The following LRRC36 variants were observed in gnomAD, a reference collection of about 807,000 sequenced individuals.
LRRC36 encodes leucine rich repeat containing 36, also known as leucine-rich repeat-containing protein 36.
Under a neutral mutation model 81.1 loss-of-function variants are expected in LRRC36, and 62 were observed. The ratio of observed to expected loss-of-function variants is 0.76; its 90% CI spans 0.62 to 0.94. LRRC36 has a LOEUF of 0.94. LRRC36 is among the 40% of genes least tolerant of loss of function. LRRC36 has a pLI of 0.00. For missense variants in LRRC36, 761 were observed against 881.7 expected, an observed-to-expected ratio of 0.86 and a Z score of 1.73; for synonymous variants, 334 against 348.6, an observed-to-expected ratio of 0.96 and a Z score of 0.47.
At chr16:67,365,149 GACTTAAA>G (rs1768405943) in intron 6 of LRRC36, 148 bp from the exon 7 acceptor site, 1 of 586,942 alleles carries the variant, frequency 1.7e-6, no homozygotes, top group African/African-American at 1.9e-5. Flanking sequence ...TTTTAAAATA[GACTTAAA>G]CTGGACCTTT....
chr16:67,346,294 A>G lies in LRRC36; in HGVS notation c.237A>G (p.Leu79=). The G allele has an allele frequency of 6.2e-7, 1 of 1,609,758 alleles. No individual in the cohort carries two copies. Among genetic ancestry groups the G allele is most frequent in the East Asian group, 2.2e-5 (1 of 44,750 alleles). ...TATGTTCACTCCAAGACCTGAATTTATATTATAACAACATTCCTTCATTAG... is the reference window on the plus strand; with the variant it reads ...TATGTTCACTCCAAGACCTGAATTTGTATTATAACAACATTCCTTCATTAG... The part of the protein sequence containing the change: ...QYLCSLQDLN[L]YYNNIPSLVE... The change falls in exon 3 of 14, where the codon TTA becomes TTG. Residue 79 remains leucine, a synonymous_variant. Transcript: ENST00000329956.
At chr16:67,327,043 A>T (rs2037214764) in intron 1 of LRRC36, 111 bp downstream of exon 1, 1 of 947,734 alleles carries the variant, frequency 1.1e-6, no homozygotes, top group African/African-American at 1.8e-5. Flanking sequence ...AACCACAGAG[A>T]AGCGGTACCT....
intron 1 of LRRC36, chr16:67,336,691 A>G (rs1382534199): frequency 6.6e-6 from 1 of 151,922 alleles, no homozygotes; most frequent in African/African-American, 2.4e-5. Flanking sequence ...TCTGGACTCA[A>G]GCAATCCTGT....
chr16:67,334,268 C>T (rs1340496190), intron 1 of LRRC36, among the ~76,000 whole-genome samples: 1 of 151,860 alleles, frequency 6.6e-6, no homozygotes, highest in Non-Finnish European at 1.5e-5. Flanking sequence ...ATCCGCCCGC[C>T]TCGGCTTCCC....
chr16:67,383,541 C>T (rs1044827114), intron 13 of LRRC36, among the ~76,000 whole-genome samples: 3 of 152,156 alleles, frequency 2.0e-5, no homozygotes, highest in African/African-American at 7.2e-5. Context: ...CTGGGTGATG[C>T]TATTGCTACT....
intron 5 of LRRC36, among the ~76,000 whole-genome samples, chr16:67,361,636 G>C (rs1457916931): frequency 6.6e-6 from 1 of 152,092 alleles, no homozygotes; most frequent in African/African-American, 2.4e-5. Context: ...GCAATGGTGC[G>C]ATCTCAGCTC....
chr16:67,351,920 G>T (rs2038660598), intron 5 of LRRC36, among the ~76,000 whole-genome samples: 1 of 152,104 alleles, frequency 6.6e-6, no homozygotes, highest in African/African-American at 2.4e-5. Flanking sequence ...TAATGCTTTG[G>T]TATACAGCCT....
At chr16:67,333,617 C>T (rs2037605482) in intron 1 of LRRC36, among the ~76,000 whole-genome samples, 1 of 152,100 alleles carries the variant, frequency 6.6e-6, no homozygotes, top group African/African-American at 2.4e-5. Flanking sequence ...TTTGCCTCTT[C>T]TGGGTATTTC....
chr16:67,337,427 G>A (rs2037815987), intron 1 of LRRC36, among the ~76,000 whole-genome samples: 1 of 150,460 alleles, frequency 6.6e-6, no homozygotes. Context: ...GAGTGCAATG[G>A]TGCGACTGCA....
At chr16:67,348,527 T>C (rs1168823872) in intron 4 of LRRC36, 2 of 152,134 alleles carry the variant, frequency 1.3e-5, no homozygotes, top group Non-Finnish European at 2.9e-5. Flanking sequence ...TGGTGCGATC[T>C]TGGCTCACTA....
At chr16:67,344,751 A>G (rs572364660) in intron 2 of LRRC36, among the ~76,000 whole-genome samples, 2 of 152,304 alleles carry the variant, frequency 1.3e-5, no homozygotes, top group South Asian at 2.1e-4. Context: ...GGAGAAAACA[A>G]CAACAACAAA....
chr16:67,374,360 G>T (rs1297457356), intron 9 of LRRC36, among the ~76,000 whole-genome samples: 4 of 151,770 alleles, frequency 2.6e-5, no homozygotes, highest in Non-Finnish European at 5.9e-5. Flanking sequence ...CATAGATGTA[G>T]GTGTCAAACA....
intron 6 of LRRC36, among the ~76,000 whole-genome samples, chr16:67,364,867 G>C (rs142890524): frequency 0.029 from 4,383 of 152,194 alleles, 78 homozygotes; most frequent in Middle Eastern, 0.12. Context: ...GCAAACCCTA[G>C]ATGGCTTTCT....
chr16:67,330,603 T>A (rs1014867506), intron 1 of LRRC36, among the ~76,000 whole-genome samples: 1 of 152,170 alleles, frequency 6.6e-6, no homozygotes, highest in East Asian at 1.9e-4. Flanking sequence ...CGTTCACGCC[T>A]GTAATCCCAG....
chr16:67,376,203 G>A (rs946411971), intron 10 of LRRC36, among the ~76,000 whole-genome samples: 6 of 152,164 alleles, frequency 3.9e-5, no homozygotes, highest in African/African-American at 1.2e-4. Flanking sequence ...AGCTACTGGG[G>A]AGGCTGAGGC....
chr16:67,356,379 A>T (rs2038902549), intron 5 of LRRC36, among the ~76,000 whole-genome samples: 1 of 152,208 alleles, frequency 6.6e-6, no homozygotes, highest in African/African-American at 2.4e-5. Flanking sequence ...GACTTCTCAA[A>T]ATAGTCACTT....
chr16:67,340,542 G>C (rs185528689), intron 1 of LRRC36, among the ~76,000 whole-genome samples: 4 of 150,924 alleles, frequency 2.7e-5, no homozygotes, highest in Non-Finnish European at 5.9e-5. Flanking sequence ...TGTGTTCCCA[G>C]CTACTTGGGA....
intron 1 of LRRC36, among the ~76,000 whole-genome samples, chr16:67,331,113 G>GAGAGAGAA (rs1567462464): frequency 7.3e-6 from 1 of 136,138 alleles, no homozygotes; most frequent in African/African-American, 2.7e-5. Flanking sequence ...GAGAGAGAGA[G>GAGAGAGAA]AAGACTGAAC....
At chr16:67,328,994 C>A (rs575914150) in intron 1 of LRRC36, among the ~76,000 whole-genome samples, 1 of 152,152 alleles carries the variant, frequency 6.6e-6, no homozygotes, top group Non-Finnish European at 1.5e-5. Flanking sequence ...ACTGTAATCT[C>A]CACCTCCGCA....
Sources: allele counts gnomAD v4.1 joint callset (sites outside exome capture counted in the v4.1 genomes callset), GRCh38; gene constraint gnomAD v4.1.1; transcripts MANE v1.5; gene names NCBI Gene and HGNC (gene_info 2026-07-23, HGNC 2026-07-21).